CDKL4: variants seen among roughly 807,000 people sequenced by gnomAD.
CDKL4 encodes cyclin dependent kinase like 4.
A neutral mutation model predicts 42.0 loss-of-function variants in CDKL4; 44 were observed. That is an observed-to-expected ratio of 1.05 (90% CI 0.82 to 1.35). CDKL4 has a LOEUF of 1.35. Among genes scored for constraint, CDKL4 ranks in the 40% most tolerant of loss-of-function variants. The pLI is 0.00. For missense variants in CDKL4, 393 were observed against 369.9 expected (o/e 1.06, Z -0.51); for synonymous variants, 120 against 121.6 (o/e 0.99, Z 0.09).
chr2:39,219,592 T>A (rs1346381268), intron 3 of CDKL4, among the ~76,000 whole-genome samples: 53 of 152,114 alleles, frequency 3.5e-4, no homozygotes, highest in Non-Finnish European at 1.3e-4. Flanking sequence ...GGCTAATTTT[T>A]TGTATTTTAG....
chr2:39,217,462 A>T (rs767886745), intron 3 of CDKL4, among the ~76,000 whole-genome samples: 8 of 152,222 alleles, frequency 5.3e-5, no homozygotes, highest in Non-Finnish European at 1.0e-4. Context: ...GAAGTTTGTT[A>T]TAAAAACGTA....
intron 6 of CDKL4, 21 bp downstream of exon 6, chr2:39,190,284 G>A: frequency 6.3e-7 from 1 of 1,582,626 alleles, no homozygotes; most frequent in Middle Eastern, 1.7e-4. Flanking sequence ...CAACTCTGTT[G>A]CCATAAAATG....
chr2:39,205,892 C>T (rs1483786421), intron 4 of CDKL4, among the ~76,000 whole-genome samples: 2 of 152,082 alleles, frequency 1.3e-5, no homozygotes, highest in African/African-American at 2.4e-5. Flanking sequence ...GCAGAGATTC[C>T]GAAGCATTCC....
At chr2:39,208,132 A>C (rs1677323183) in intron 4 of CDKL4, among the ~76,000 whole-genome samples, 1 of 152,022 alleles carries the variant, frequency 6.6e-6, no homozygotes, top group Non-Finnish European at 1.5e-5. Context: ...AATTTTTAAA[A>C]AATTAAAAAA....
At chr2:39,238,078 T>C (rs1053715553) in intron 1 of CDKL4, among the ~76,000 whole-genome samples, 1 of 152,054 alleles carries the variant, frequency 6.6e-6, no homozygotes, top group Non-Finnish European at 1.5e-5. Context: ...AGGAGAAAAA[T>C]GCCATGTTCA....
chr2:39,172,845 G>A (rs1410053036), downstream of CDKL4, among the ~76,000 whole-genome samples: 1 of 152,166 alleles, frequency 6.6e-6, no homozygotes, highest in Non-Finnish European at 1.5e-5. Context: ...GCCTCCCAAA[G>A]TGCTGGGATT....
At chr2:39,208,532 G>A (rs766466275) in intron 4 of CDKL4, among the ~76,000 whole-genome samples, 13 of 151,876 alleles carry the variant, frequency 8.6e-5, no homozygotes, top group Non-Finnish European at 1.6e-4. Flanking sequence ...TAGTAGACAT[G>A]GGGTTTCGCC....
chr2:39,212,862 T>G (rs1030843468), intron 4 of CDKL4, among the ~76,000 whole-genome samples: 25 of 151,892 alleles, frequency 1.6e-4, no homozygotes, highest in Admixed American at 7.9e-4. Context: ...AGTTTCTCCA[T>G]GTTGCCCAGG....
At chr2:39,191,660 C>T (rs959637499) in intron 5 of CDKL4, among the ~76,000 whole-genome samples, 2 of 152,192 alleles carry the variant, frequency 1.3e-5, no homozygotes, top group African/African-American at 4.8e-5. Context: ...CAATTTGACT[C>T]CTTGTACTAT....
At chr2:39,242,449 G>T (rs930691578) in intron 1 of CDKL4, among the ~76,000 whole-genome samples, 1 of 152,216 alleles carries the variant, frequency 6.6e-6, no homozygotes, top group Non-Finnish European at 1.5e-5. Flanking sequence ...TGACTCTCAA[G>T]TTAAAGTTCT....
At chr2:39,228,545 G>C (rs1467345982) in intron 2 of CDKL4, among the ~76,000 whole-genome samples, 1 of 152,104 alleles carries the variant, frequency 6.6e-6, no homozygotes. Flanking sequence ...AAATCACAGG[G>C]TCTTGTCACA....
chr2:39,218,025 G>T (rs908840949), intron 3 of CDKL4, among the ~76,000 whole-genome samples: 20 of 151,972 alleles, frequency 1.3e-4, no homozygotes, highest in Non-Finnish European at 2.5e-4. Flanking sequence ...GAGCCACTGC[G>T]CCTGGCCCCC....
intron 5 of CDKL4, among the ~76,000 whole-genome samples, chr2:39,191,486 G>T (rs967680004): frequency 1.3e-5 from 2 of 152,210 alleles, no homozygotes; most frequent in African/African-American, 4.8e-5. Context: ...AAACCTTGAT[G>T]GCAGATGTCT....
intron 6 of CDKL4, among the ~76,000 whole-genome samples, chr2:39,188,308 A>G (rs1675951110): frequency 6.6e-6 from 1 of 151,970 alleles, no homozygotes; most frequent in Admixed American, 6.6e-5. Context: ...CACGCCTGTA[A>G]TCCCAGCACT....
intron 5 of CDKL4, among the ~76,000 whole-genome samples, chr2:39,193,320 A>C (rs1355721097): frequency 6.7e-6 from 1 of 150,314 alleles, no homozygotes; most frequent in African/African-American, 2.4e-5. Flanking sequence ...CTATGAGTGG[A>C]ATTATTAGAC....
chr2:39,230,921 A>G (rs1170680825), intron 1 of CDKL4, among the ~76,000 whole-genome samples: 1 of 152,224 alleles, frequency 6.6e-6, no homozygotes, highest in Non-Finnish European at 1.5e-5. Flanking sequence ...AAAAGAATGC[A>G]TAATTCAGCC....
At chr2:39,178,840 A>T in intron 9 of CDKL4, 1 of 1,515,372 alleles carries the variant, frequency 6.6e-7, no homozygotes, top group Non-Finnish European at 8.8e-7. Flanking sequence ...ATTCCTTTGC[A>T]ATGCTGGCAA....
At chr2:39,210,889 G>C (rs1332455945) in intron 4 of CDKL4, among the ~76,000 whole-genome samples, 1 of 152,134 alleles carries the variant, frequency 6.6e-6, no homozygotes, top group Non-Finnish European at 1.5e-5. Flanking sequence ...AAAAGCTTTT[G>C]ATTTAACCTA....
downstream of CDKL4, among the ~76,000 whole-genome samples, chr2:39,172,925 T>C (rs1406420392): frequency 1.3e-5 from 2 of 152,188 alleles, no homozygotes; most frequent in Non-Finnish European, 2.9e-5. Flanking sequence ...TAGAGCATTT[T>C]TCTAAGCATT....
Sources: gnomAD v4.1 joint callset for allele counts (sites outside exome capture counted in the v4.1 genomes callset) on GRCh38, gnomAD v4.1.1 for gene constraint, MANE v1.5 for transcripts, NCBI Gene and HGNC (gene_info 2026-07-23, HGNC 2026-07-21) for gene names.